The following WWOX variants were observed in gnomAD, a reference collection of about 807,000 sequenced individuals.
The protein encoded by WWOX is WW domain containing oxidoreductase.
Under a neutral mutation model 46.2 loss-of-function variants are expected in WWOX, and 69 were observed. The ratio of observed to expected loss-of-function variants is 1.49; its 90% CI spans 1.23 to 1.82. The LOEUF is 1.82. Among genes scored for constraint, WWOX ranks in the 40% most tolerant of loss-of-function variants. The pLI is 0.00. For missense variants in WWOX, 919 were observed against 542.6 expected, an observed-to-expected ratio of 1.69 and a Z score of -6.89; for synonymous variants, 359 against 202.6, an observed-to-expected ratio of 1.77 and a Z score of -6.56.
At chr16:78,236,247 A>G (rs2037434007) in intron 5 of WWOX, among the ~76,000 whole-genome samples, 1 of 152,246 alleles carries the variant, frequency 6.6e-6, no homozygotes, top group Non-Finnish European at 1.5e-5. Flanking sequence ...GTTCTATGAC[A>G]TCATTTATGC....
At chr16:79,070,402 G>A (rs987114808) in intron 8 of WWOX, among the ~76,000 whole-genome samples, 6 of 151,850 alleles carry the variant, frequency 4.0e-5, no homozygotes, top group Non-Finnish European at 8.8e-5. Flanking sequence ...TGGTCTCCTG[G>A]CTGTCTTTGG....
intron 8 of WWOX, among the ~76,000 whole-genome samples, chr16:78,554,377 C>G (rs55692239): frequency 6.6e-6 from 1 of 152,024 alleles, no homozygotes; most frequent in East Asian, 1.9e-4. Context: ...AAGGTCTGAT[C>G]GTGAAAATTC....
At chr16:78,185,156 G>A (rs1208476370) in intron 5 of WWOX, among the ~76,000 whole-genome samples, 1 of 152,176 alleles carries the variant, frequency 6.6e-6, no homozygotes, top group African/African-American at 2.4e-5. Context: ...GGTGCTGTGT[G>A]TGTGTACAAA....
Position 78,616,534 on chromosome 16 carries a change from G to T in WWOX, c.1056+183782G>T, listed in dbSNP as rs372306907. ...CCCAGCACTTTGGGAGGCCGAGGCA[G>T]GTGTCTCGGTGGATCACTTGAGGTC... On this transcript the variant is annotated intron_variant, in intron 8 of 8. Transcript: ENST00000566780. 2.0e-5 allele frequency among the ~76,000 whole-genome samples: 3 copies of T among 151,980 alleles called. No homozygotes were observed. The South Asian group carries it at 6.3e-4, about 32-fold the overall frequency.
chr16:78,959,002 A>T (rs2046222689), intron 8 of WWOX, among the ~76,000 whole-genome samples: 1 of 152,204 alleles, frequency 6.6e-6, no homozygotes, highest in Non-Finnish European at 1.5e-5. Flanking sequence ...CATCTGTGAA[A>T]AAAGGGAGTT....
chr16:78,330,324 T>C lies in WWOX; in HGVS notation c.517-56536T>C, dbSNP rs557335586. On this transcript the variant is annotated intron_variant, in intron 5 of 8. Transcript: ENST00000566780. ...TTTACCACAAATTAAAGAAAATTAA[T>C]ATTTCCAACAAGCCAAAGCTCTATG... 1.2e-4 allele frequency among the ~76,000 whole-genome samples: 19 copies of C among 152,302 alleles called. No individual in the cohort carries two copies. The South Asian group carries it at 3.7e-3, about 30-fold the overall frequency.
At position 78,180,529 on chromosome 16, in the gene WWOX, G is replaced by T. The variant is rs115363156; in HGVS notation, c.516+16240G>T. 5.8e-3 allele frequency among the ~76,000 whole-genome samples: 881 copies of T among 152,082 alleles called. 10 individuals carry two copies. Among genetic ancestry groups the T allele is most frequent in the African/African-American group, 0.021 (856 of 41,482 alleles). The stretch of plus-strand genomic sequence containing the variant: ...CAAATCCAGCTGCACAGGAGAGTAA[G>T]GGGCATATGTTAGGGCTAGTGGGTA... On this transcript the variant is annotated intron_variant, in intron 5 of 8. Transcript: ENST00000566780.
chr16:78,370,825 A>G (rs1301849998), intron 5 of WWOX, among the ~76,000 whole-genome samples: 2 of 136,368 alleles, frequency 1.5e-5, no homozygotes, highest in Non-Finnish European at 3.2e-5. Flanking sequence ...ACCCCCTTCC[A>G]GTTTTTCTCA....
chr16:78,656,013 G>A (rs1348016942), intron 8 of WWOX, among the ~76,000 whole-genome samples: 1 of 152,174 alleles, frequency 6.6e-6, no homozygotes, highest in African/African-American at 2.4e-5. Flanking sequence ...ATTGAGTGAG[G>A]TCTAGGGTGA....
chr16:78,221,670 G>C (rs748549752), intron 5 of WWOX, among the ~76,000 whole-genome samples: 4 of 152,166 alleles, frequency 2.6e-5, no homozygotes, highest in African/African-American at 9.7e-5. Context: ...GCTAATTAAT[G>C]ACCCAAGAGC....
intron 5 of WWOX, among the ~76,000 whole-genome samples, chr16:78,263,711 T>G (rs2079297242): frequency 6.6e-6 from 1 of 152,162 alleles, no homozygotes; most frequent in East Asian, 1.9e-4. Flanking sequence ...GGTTTGTAAT[T>G]ACTGATGAGA....
At chr16:78,813,968 T>C (rs562635378) in intron 8 of WWOX, among the ~76,000 whole-genome samples, 41 of 152,314 alleles carry the variant, frequency 2.7e-4, no homozygotes, top group Non-Finnish European at 3.8e-4. Flanking sequence ...CCCCCAATTC[T>C]ATAGGTTCTA....
At chr16:78,406,003 G>T (rs2082522155) in intron 6 of WWOX, among the ~76,000 whole-genome samples, 2 of 151,826 alleles carry the variant, frequency 1.3e-5, no homozygotes, top group Non-Finnish European at 2.9e-5. Context: ...CTTTAACTGG[G>T]GATCATGTTT....
At chr16:79,203,495 G>GTTTTT in intron 8 of WWOX, 1 of 136,460 alleles carries the variant, frequency 7.3e-6, no homozygotes, top group South Asian at 2.4e-4. Context: ...GAGACCTTGT[G>GTTTTT]TTTTTTTTTT....
intron 8 of WWOX, among the ~76,000 whole-genome samples, chr16:78,678,615 G>T (rs1280774635): frequency 6.6e-6 from 1 of 152,158 alleles, no homozygotes; most frequent in Non-Finnish European, 1.5e-5. Flanking sequence ...GTACAGATCT[G>T]TAAAATATGA....
intron 8 of WWOX, among the ~76,000 whole-genome samples, chr16:78,840,276 C>T (rs1364597589): frequency 6.6e-6 from 1 of 152,184 alleles, no homozygotes; most frequent in Non-Finnish European, 1.5e-5. Context: ...TCCTGAACCT[C>T]TCTGTGCCTT....
At chr16:78,783,994 G>A (rs2142564804) in intron 8 of WWOX, among the ~76,000 whole-genome samples, 1 of 152,200 alleles carries the variant, frequency 6.6e-6, no homozygotes, top group South Asian at 2.1e-4. Flanking sequence ...TGGTGATAAT[G>A]TTGGTGATGG....
intron 8 of WWOX, among the ~76,000 whole-genome samples, chr16:78,641,399 T>C (rs2046707430): frequency 6.6e-6 from 1 of 152,144 alleles, no homozygotes. Flanking sequence ...GTCAGGGTTA[T>C]CAATATCCGT....
At chr16:78,134,162 C>T (rs952282724) in intron 4 of WWOX, among the ~76,000 whole-genome samples, 1 of 152,144 alleles carries the variant, frequency 6.6e-6, no homozygotes, top group Non-Finnish European at 1.5e-5. Flanking sequence ...CAAATATTAG[C>T]ATTGGATTTT....
Sources: gnomAD v4.1 joint callset for allele counts (sites outside exome capture counted in the v4.1 genomes callset) on GRCh38, gnomAD v4.1.1 for gene constraint, MANE v1.5 for transcripts, NCBI Gene and HGNC (gene_info 2026-07-23, HGNC 2026-07-21) for gene names.